Variants in GRIA4 observed in about 807,000 individuals in gnomAD.
GRIA4 encodes glutamate receptor 4.
A neutral mutation model predicts 104.0 loss-of-function variants in GRIA4; 34 were observed. The observed-to-expected ratio is 0.33, with a 90% CI of 0.25 to 0.44. The LOEUF (loss-of-function observed/expected upper bound fraction) is 0.44, where lower values mean the gene tolerates loss of function less well. Among genes scored for constraint, GRIA4 ranks in the 20% least tolerant of loss-of-function variants. GRIA4 has a pLI of 1.00. For synonymous variants in GRIA4, 386 were observed against 381.9 expected (o/e 1.01, Z -0.13); for missense variants, 750 against 1,096.5 (o/e 0.68, Z 4.46).
At chr11:105,956,597 A>C (rs1288383327) in intron 14 of GRIA4, among the ~76,000 whole-genome samples, 3 of 152,238 alleles carry the variant, frequency 2.0e-5, no homozygotes, top group Non-Finnish European at 4.4e-5. Context: ...TATCAGCATG[A>C]TTTATAATCC....
intron 3 of GRIA4, among the ~76,000 whole-genome samples, chr11:105,742,794 T>A (rs946193389): frequency 5.3e-5 from 8 of 152,132 alleles, no homozygotes; most frequent in African/African-American, 1.2e-4. Flanking sequence ...TGGAGTGCAG[T>A]GGCGAGATCT....
chr11:105,792,077 A>G (rs1226891179), intron 4 of GRIA4, among the ~76,000 whole-genome samples: 1 of 152,152 alleles, frequency 6.6e-6, no homozygotes, highest in African/African-American at 2.4e-5. Context: ...AAGATATTAG[A>G]AAAAAATTTC....
chr11:105,928,943 C>T (rs562084670), intron 13 of GRIA4, among the ~76,000 whole-genome samples: 13 of 152,068 alleles, frequency 8.5e-5, no homozygotes, highest in Admixed American at 5.2e-4. Context: ...ACAAACTGTG[C>T]AAGCACCATT....
chr11:105,865,954 T>C (rs1324020505), intron 5 of GRIA4, among the ~76,000 whole-genome samples: 1 of 152,186 alleles, frequency 6.6e-6, no homozygotes, highest in Non-Finnish European at 1.5e-5. Flanking sequence ...TGAAACCCTA[T>C]TCCCATGAAC....
chr11:105,769,661 A>G (rs1401344628), intron 4 of GRIA4, among the ~76,000 whole-genome samples: 1 of 152,046 alleles, frequency 6.6e-6, no homozygotes, highest in Non-Finnish European at 1.5e-5. Flanking sequence ...TGACAGGACG[A>G]AAGTTCGTCT....
intron 3 of GRIA4, among the ~76,000 whole-genome samples, chr11:105,748,248 G>A (rs748015779): frequency 3.9e-5 from 6 of 152,164 alleles, no homozygotes; most frequent in Non-Finnish European, 8.8e-5. Flanking sequence ...TTATGGCTGA[G>A]GTATTGGTTC....
intron 6 of GRIA4, among the ~76,000 whole-genome samples, chr11:105,890,477 T>A (rs994316817): frequency 1.3e-5 from 2 of 152,210 alleles, no homozygotes; most frequent in Non-Finnish European, 1.5e-5. Context: ...TTATTTTAAA[T>A]TGTCTTGTCA....
intron 5 of GRIA4, among the ~76,000 whole-genome samples, chr11:105,875,295 G>A (rs780985885): frequency 6.6e-6 from 1 of 152,148 alleles, no homozygotes; most frequent in Non-Finnish European, 1.5e-5. Context: ...GCTTTTTAAT[G>A]TGCTGCTGGA....
chr11:105,853,451 T>C, intron 4 of GRIA4, among the ~76,000 whole-genome samples: 1 of 152,146 alleles, frequency 6.6e-6, no homozygotes, highest in Non-Finnish European at 1.5e-5. Context: ...ACTCATGACC[T>C]CTCTCTGCCA....
At chr11:105,723,439 T>G (rs1166673302) in intron 3 of GRIA4, among the ~76,000 whole-genome samples, 1 of 152,068 alleles carries the variant, frequency 6.6e-6, no homozygotes, top group Non-Finnish European at 1.5e-5. Flanking sequence ...TCAGCATATC[T>G]GATGTAAAAT....
At chr11:105,927,539 A>T (rs1031187130) in intron 13 of GRIA4, among the ~76,000 whole-genome samples, 1 of 152,056 alleles carries the variant, frequency 6.6e-6, no homozygotes, top group Non-Finnish European at 1.5e-5. Flanking sequence ...GCAGATAAAA[A>T]TTTTCCAACT....
chr11:105,751,703 T>C (rs1250703905), intron 3 of GRIA4, among the ~76,000 whole-genome samples: 3 of 152,228 alleles, frequency 2.0e-5, no homozygotes, highest in Non-Finnish European at 4.4e-5. Flanking sequence ...TTTTATTCAC[T>C]AAGACTTTTA....
intron 4 of GRIA4, among the ~76,000 whole-genome samples, chr11:105,780,501 T>C (rs1372322989): frequency 2.0e-5 from 3 of 152,166 alleles, no homozygotes; most frequent in Non-Finnish European, 4.4e-5. Context: ...ACTTTAAATG[T>C]TGCCCATAAA....
chr11:105,897,069 T>C (rs1946675483), intron 6 of GRIA4, among the ~76,000 whole-genome samples: 1 of 152,186 alleles, frequency 6.6e-6, no homozygotes, highest in Non-Finnish European at 1.5e-5. Flanking sequence ...TTTTTAGGTG[T>C]CATCTATGAT....
At chr11:105,695,185 C>T (rs530568323) in intron 3 of GRIA4, among the ~76,000 whole-genome samples, 138 of 152,316 alleles carry the variant, frequency 9.1e-4, no homozygotes, top group African/African-American at 3.1e-3. Context: ...TATGTATTCT[C>T]AACTTGTGTT....
intron 14 of GRIA4, among the ~76,000 whole-genome samples, chr11:105,953,202 A>G (rs1265259671): frequency 6.6e-6 from 1 of 152,252 alleles, no homozygotes; most frequent in Non-Finnish European, 1.5e-5. Context: ...CTTTCCTTAA[A>G]ATTAGACATA....
At chr11:105,745,258 T>C (rs746564187) in intron 3 of GRIA4, among the ~76,000 whole-genome samples, 2 of 152,218 alleles carry the variant, frequency 1.3e-5, no homozygotes, top group Non-Finnish European at 2.9e-5. Flanking sequence ...TGTTAAGTAA[T>C]ACGTTTGTTC....
At chr11:105,688,130 ATCTATATCTATATCTATATCTATATC>A (rs1952946294) in intron 3 of GRIA4, among the ~76,000 whole-genome samples, 1 of 77,710 alleles carries the variant, frequency 1.3e-5, no homozygotes, top group South Asian at 4.2e-4. Flanking sequence ...CTATATCTAT[ATCTATATCTATATCTATATCTATATC>A]TCTATCTATC....
chr11:105,762,736 C>A (rs1413163837), intron 4 of GRIA4, among the ~76,000 whole-genome samples: 1 of 152,168 alleles, frequency 6.6e-6, no homozygotes, highest in African/African-American at 2.4e-5. Context: ...AGTTCCCCTG[C>A]ACATGCTATC....
Sources: allele counts gnomAD v4.1 joint callset (sites outside exome capture counted in the v4.1 genomes callset), GRCh38; gene constraint gnomAD v4.1.1; transcripts MANE v1.5; gene names NCBI Gene and HGNC (gene_info 2026-07-23, HGNC 2026-07-21).